Variants in BBS9 observed in about 807,000 individuals in gnomAD.
BBS9 encodes the protein protein PTHB1.
Under a neutral mutation model 117.7 loss-of-function variants are expected in BBS9, and 89 were observed. That is an observed-to-expected ratio of 0.76 (90% CI 0.64 to 0.90). The LOEUF is 0.90. Ranked by LOEUF, BBS9 falls within the 40% of genes least tolerant of loss-of-function variation. The pLI is 0.00. For synonymous variants in BBS9, 379 were observed against 370.9 expected (o/e 1.02, Z -0.25); for missense variants, 982 against 1,042.2 (o/e 0.94, Z 0.80).
chr7:33,312,229 G>A (rs1323093506), intron 9 of BBS9, among the ~76,000 whole-genome samples: 1 of 152,084 alleles, frequency 6.6e-6, no homozygotes, highest in African/African-American at 2.4e-5. Flanking sequence ...TCTGTGTTAT[G>A]ACTGAATTTT....
chr7:33,374,668 G>A (rs928561434), intron 17 of BBS9, among the ~76,000 whole-genome samples: 3 of 152,052 alleles, frequency 2.0e-5, no homozygotes, highest in Non-Finnish European at 4.4e-5. Flanking sequence ...TTGGGAGGTC[G>A]AGGTGGGTGG....
intron 21 of BBS9, among the ~76,000 whole-genome samples, chr7:33,576,265 GACAA>G (rs1858842604): frequency 6.6e-6 from 1 of 152,054 alleles, no homozygotes; most frequent in Non-Finnish European, 1.5e-5. Flanking sequence ...ACCAATAACA[GACAA>G]ACAGAGAGCC....
chr7:33,522,502 G>C (rs958044565), intron 20 of BBS9, among the ~76,000 whole-genome samples: 5 of 152,042 alleles, frequency 3.3e-5, no homozygotes, highest in African/African-American at 9.7e-5. Context: ...GGCCAGTGAT[G>C]ATGAGCATTT....
chr7:33,313,036 G>GGTGTGT lies in BBS9; in HGVS notation c.1017-23381_1017-23376dup, dbSNP rs5883397. 3.9e-3 allele frequency among the ~76,000 whole-genome samples: 578 copies of GGTGTGT among 148,048 alleles called. 5 individuals are homozygous for GGTGTGT. The highest frequency in any genetic ancestry group is 7.1e-3 in the Middle Eastern group (2 of 282). On this transcript the variant is annotated intron_variant, in intron 9 of 22. Transcript: ENST00000242067. Reference sequence around the variant, plus strand: ...TTTCTATAAATGTGCTGTACTCTGTGGTGTGTGTGTGTGTGTGTGTGTGTG... The same window carrying GGTGTGT: ...TTTCTATAAATGTGCTGTACTCTGTGGTGTGTGTGTGTGTGTGTGTGTGTGTGTGTG...
At chr7:33,628,565 C>G (rs1865747726) in intron 21 of BBS9, among the ~76,000 whole-genome samples, 2 of 152,100 alleles carry the variant, frequency 1.3e-5, no homozygotes, top group Non-Finnish European at 2.9e-5. Flanking sequence ...TTATGAAAAC[C>G]TAGAGTCAAC....
chr7:33,170,132 T>A (rs1233319999), intron 4 of BBS9, among the ~76,000 whole-genome samples: 2 of 151,596 alleles, frequency 1.3e-5, no homozygotes, highest in Admixed American at 6.6e-5. Flanking sequence ...TACCAAAGCC[T>A]GGAAGAGACA....
At chr7:33,160,702 G>T (rs773578945) in intron 4 of BBS9, among the ~76,000 whole-genome samples, 1 of 152,128 alleles carries the variant, frequency 6.6e-6, no homozygotes, top group Non-Finnish European at 1.5e-5. Context: ...GCCCTTTTGA[G>T]TTGTGAGATT....
intron 20 of BBS9, among the ~76,000 whole-genome samples, chr7:33,531,833 A>G (rs927893688): frequency 2.0e-5 from 3 of 152,234 alleles, no homozygotes; most frequent in African/African-American, 7.2e-5. Context: ...GATCTTGAAG[A>G]CAGCTATGCC....
intron 9 of BBS9, among the ~76,000 whole-genome samples, chr7:33,274,724 G>A (rs1251639182): frequency 6.6e-6 from 1 of 152,162 alleles, no homozygotes; most frequent in Non-Finnish European, 1.5e-5. Flanking sequence ...GCGGGGCACA[G>A]TGGCTCACGC....
chr7:33,620,842 T>C (rs2129222485), intron 21 of BBS9, among the ~76,000 whole-genome samples: 1 of 152,290 alleles, frequency 6.6e-6, no homozygotes. Flanking sequence ...TAAAATATAC[T>C]ACAAAGCTAT....
At chr7:33,444,999 GA>G (rs1836780944) in intron 19 of BBS9, among the ~76,000 whole-genome samples, 1 of 152,216 alleles carries the variant, frequency 6.6e-6, no homozygotes, top group South Asian at 2.1e-4. Flanking sequence ...TGGGAGGGCA[GA>G]GTGCATCTTT....
In BBS9 at chr7:33,154,502, G is replaced by A. The variant is rs547869828; in HGVS notation, c.264-1136G>A. 4.6e-5 allele frequency among the ~76,000 whole-genome samples: 7 copies of A among 152,182 alleles called. No homozygotes were observed. In the South Asian group the frequency reaches 8.3e-4, roughly 18 times the overall value. Reference sequence around the variant, plus strand: ...TATTTTGAGGCGGAGTTTCACTCTCGTCGCCCAGACTGGAGTGCAATGGCG... The same window carrying A: ...TATTTTGAGGCGGAGTTTCACTCTCATCGCCCAGACTGGAGTGCAATGGCG... On this transcript the variant is annotated intron_variant, in intron 3 of 22. Coordinates refer to ENST00000242067, the MANE Select transcript of BBS9 (RefSeq NM_198428.3).
Position 33,235,372 on chromosome 7 carries a change from A to G in BBS9, c.443-21864A>G, listed in dbSNP as rs150038160. ...TACTTCTAATTAAAACCAGAATCCA[A>G]TGTTTTACTAGGGAATTTATTACTA... On this transcript the variant is annotated intron_variant, in intron 5 of 22. Transcript: ENST00000242067. Among the ~76,000 whole-genome samples, 782 of 152,240 alleles carry G rather than the reference A, an allele frequency of 5.1e-3. 7 individuals carry two copies. Among genetic ancestry groups the G allele is most frequent in the African/African-American group, 0.017 (687 of 41,560 alleles).
intron 21 of BBS9, among the ~76,000 whole-genome samples, chr7:33,618,949 A>C (rs890908282): frequency 1.3e-5 from 2 of 152,164 alleles, no homozygotes; most frequent in African/African-American, 4.8e-5. Context: ...CGAGAGAGGA[A>C]GAATAGAACA....
At chr7:33,487,131 C>G (rs1384083276) in intron 19 of BBS9, among the ~76,000 whole-genome samples, 2 of 152,212 alleles carry the variant, frequency 1.3e-5, no homozygotes, top group African/African-American at 4.8e-5. Flanking sequence ...AATGTCCCCT[C>G]TACCCTGTAT....
chr7:33,290,664 A>G (rs1803864646), intron 9 of BBS9, among the ~76,000 whole-genome samples: 4 of 152,252 alleles, frequency 2.6e-5, no homozygotes, highest in Admixed American at 2.6e-4. Context: ...TGTGTGTAGC[A>G]TAGTGATATG....
chr7:33,380,311 C>T (rs969887006), intron 17 of BBS9: 2 of 164,102 alleles, frequency 1.2e-5, no homozygotes, highest in Non-Finnish European at 2.7e-5. Context: ...CCCTGCAAGG[C>T]CCACTGCCAA....
intron 19 of BBS9, among the ~76,000 whole-genome samples, chr7:33,441,413 AT>A (rs763825079): frequency 6.6e-6 from 1 of 152,256 alleles, no homozygotes; most frequent in African/African-American, 2.4e-5. Flanking sequence ...TTTGCAAAAA[AT>A]ATTTAATATT....
At chr7:33,262,908 C>T (rs1007867169) in intron 6 of BBS9, among the ~76,000 whole-genome samples, 2 of 152,160 alleles carry the variant, frequency 1.3e-5, no homozygotes, top group South Asian at 2.1e-4. Flanking sequence ...ATTGGTACTA[C>T]GTGCATACCT....
Sources: allele counts gnomAD v4.1 joint callset (sites outside exome capture counted in the v4.1 genomes callset), GRCh38; gene constraint gnomAD v4.1.1; transcripts MANE v1.5; gene names NCBI Gene and HGNC (gene_info 2026-07-23, HGNC 2026-07-21).